Variants in BCAS3 observed in about 807,000 individuals in gnomAD.
The protein encoded by BCAS3 is BCAS4/BCAS3 fusion.
BCAS3 carries 53 observed loss-of-function variants against 116.1 expected under a neutral mutation model. The ratio of observed to expected loss-of-function variants is 0.46; its 90% CI spans 0.37 to 0.57. BCAS3 has a LOEUF of 0.57. Among genes scored for constraint, BCAS3 ranks in the 20% least tolerant of loss-of-function variants. The probability of loss-of-function intolerance (pLI) is 0.00; values close to 1 mark genes in which losing one functional copy is unlikely to be tolerated. For missense variants in BCAS3, 917 were observed against 1,165.4 expected (o/e 0.79, Z 3.10); for synonymous variants, 391 against 408.2 (o/e 0.96, Z 0.51).
chr17:61,108,637 G>A (rs375575210), intron 22 of BCAS3, among the ~76,000 whole-genome samples: 1 of 147,764 alleles, frequency 6.8e-6, no homozygotes, highest in East Asian at 2.0e-4. Context: ...TAGGCTTTTG[G>A]GGAACAGGTG....
intron 21 of BCAS3, among the ~76,000 whole-genome samples, chr17:61,079,062 T>C (rs1319191960): frequency 6.6e-6 from 1 of 152,194 alleles, no homozygotes. Context: ...TTATGCTTTT[T>C]ATTATTAGCT....
At chr17:60,801,315 A>T (rs2047752297) in intron 6 of BCAS3, among the ~76,000 whole-genome samples, 1 of 152,116 alleles carries the variant, frequency 6.6e-6, no homozygotes, top group Non-Finnish European at 1.5e-5. Context: ...TGTCCATGAT[A>T]GTATATACTT....
Position 61,139,682 on chromosome 17 carries a change from A to T in BCAS3, c.2425+55118A>T, listed in dbSNP as rs2076821919. ...GTGCGATTAAAAGTCATCATGCTAC[A>T]TGATGTAGGGAATATAAAAAATGAA... On this transcript the variant is annotated intron_variant, in intron 22 of 23. Transcript: ENST00000407086. This position sits in a 1 kb window ranked among gnomAD's most constrained non-coding sequence, Gnocchi z 4.7. Among the ~76,000 whole-genome samples the T allele has an allele frequency of 6.6e-6, 1 of 152,354 alleles. No individual in the cohort carries two copies. Among genetic ancestry groups the T allele is most frequent in the East Asian group, 1.9e-4 (1 of 5,188 alleles).
At chr17:61,385,535 AC>A (rs747939386) in intron 23 of BCAS3, among the ~76,000 whole-genome samples, 3 of 152,072 alleles carry the variant, frequency 2.0e-5, no homozygotes, top group Admixed American at 6.5e-5. Flanking sequence ...TAATGAGAGG[AC>A]CTCCCCTACT....
At chr17:60,811,763 T>C (rs2144640379) in intron 7 of BCAS3, among the ~76,000 whole-genome samples, 1 of 152,208 alleles carries the variant, frequency 6.6e-6, no homozygotes, top group Middle Eastern at 3.4e-3. Context: ...GAAAGTGAAA[T>C]AGGCCTGGAT....
chr17:60,690,982 G>T (rs1277275296), intron 4 of BCAS3, among the ~76,000 whole-genome samples: 1 of 152,044 alleles, frequency 6.6e-6, no homozygotes, highest in African/African-American at 2.4e-5. Flanking sequence ...GCCCAGGCTG[G>T]AGTGCAGTGG....
At chr17:61,042,415 G>C (rs2067586035) in intron 19 of BCAS3, among the ~76,000 whole-genome samples, 1 of 151,784 alleles carries the variant, frequency 6.6e-6, no homozygotes, top group Non-Finnish European at 1.5e-5. Flanking sequence ...TTTTGTTCCA[G>C]TGATTGACCT....
At chr17:60,762,915 G>A (rs144489030) in intron 6 of BCAS3, among the ~76,000 whole-genome samples, 40,510 of 150,462 alleles carry the variant, frequency 0.27, 11,014 homozygotes, top group African/African-American at 0.71. Flanking sequence ...GGTCCTTCAC[G>A]TCCCTTGTTA....
chr17:60,774,130 A>G (rs973747944), intron 6 of BCAS3, among the ~76,000 whole-genome samples: 2 of 152,036 alleles, frequency 1.3e-5, no homozygotes, highest in Admixed American at 6.6e-5. Context: ...TTCACAACTC[A>G]CTGATGCTCT....
chr17:60,813,056 C>A lies in BCAS3; in HGVS notation c.476+4980C>A, dbSNP rs538351551. On this transcript the variant is annotated intron_variant, in intron 7 of 23. Coordinates refer to ENST00000407086, the MANE Select transcript of BCAS3 (RefSeq NM_017679.5). Reference sequence around the variant, plus strand: ...CCACATCTGGTCCAATCATATTATTCTTATTTTATGCATGCAGAAGCTAAT... The same window carrying A: ...CCACATCTGGTCCAATCATATTATTATTATTTTATGCATGCAGAAGCTAAT... 2.0e-5 allele frequency among the ~76,000 whole-genome samples: 3 copies of A among 152,132 alleles called. No homozygotes were observed. In the East Asian group the frequency reaches 5.8e-4, roughly 29 times the overall value.
At chr17:60,949,948 A>G (rs1027330250) in intron 14 of BCAS3, among the ~76,000 whole-genome samples, 1 of 152,184 alleles carries the variant, frequency 6.6e-6, no homozygotes, top group Non-Finnish European at 1.5e-5. Flanking sequence ...TAATTGGAAA[A>G]TAAAAGTTGA....
rs140950870 is a variant in BCAS3 at position 61,348,821 on chromosome 17, C to T, written c.2426-19506C>T. Among the ~76,000 whole-genome samples, 1,079 of 144,856 alleles carry T rather than the reference C, an allele frequency of 7.4e-3. 18 individuals are homozygous for T. Among genetic ancestry groups the T allele is most frequent in the African/African-American group, 0.026 (1,036 of 39,758 alleles). The stretch of plus-strand genomic sequence containing the variant: ...AGGCTGGAGTGCAGTGGCATGATAC[C>T]GGCTCACTGCAAGCTCCGCCTCCCA... On this transcript the variant is annotated intron_variant, in intron 22 of 23. Coordinates refer to ENST00000407086, the MANE Select transcript of BCAS3 (RefSeq NM_017679.5). The surrounding 1 kb of genome is among the most constrained non-coding windows in gnomAD (Gnocchi z 4.5).
At chr17:60,771,323 T>C (rs1399925527) in intron 6 of BCAS3, among the ~76,000 whole-genome samples, 2 of 152,102 alleles carry the variant, frequency 1.3e-5, no homozygotes, top group Non-Finnish European at 2.9e-5. Context: ...AAGGGTGAAA[T>C]GCAATGGAAA....
At chr17:60,954,112 A>G (rs2060995810) in intron 14 of BCAS3, among the ~76,000 whole-genome samples, 1 of 152,126 alleles carries the variant, frequency 6.6e-6, no homozygotes, top group Admixed American at 6.5e-5. Context: ...CATTTATTGA[A>G]TAGGGAGTCC....
At chr17:60,874,154 C>T (rs965964183) in intron 8 of BCAS3, among the ~76,000 whole-genome samples, 2 of 150,188 alleles carry the variant, frequency 1.3e-5, no homozygotes, top group African/African-American at 2.5e-5. Flanking sequence ...GCAGTCTTGA[C>T]CTCCTGGGCT....
intron 7 of BCAS3, chr17:60,810,778 G>A (rs1387427156): frequency 3.0e-6 from 2 of 657,470 alleles, no homozygotes; most frequent in East Asian, 6.1e-5. Context: ...AGAGATCAAG[G>A]CTCTCAAGGA....
chr17:61,276,279 G>T lies in BCAS3; in HGVS notation c.2426-92048G>T, dbSNP rs918046518. Among the ~76,000 whole-genome samples, 1 of 152,064 alleles carries T rather than the reference G, an allele frequency of 6.6e-6. No individual in the cohort carries two copies. Among genetic ancestry groups the T allele is most frequent in the Non-Finnish European group, 1.5e-5 (1 of 68,010 alleles). On this transcript the variant is annotated intron_variant, in intron 22 of 23. Coordinates refer to ENST00000407086, the MANE Select transcript of BCAS3 (RefSeq NM_017679.5). The surrounding 1 kb of genome is among the most constrained non-coding windows in gnomAD (Gnocchi z 4.2). The stretch of plus-strand genomic sequence containing the variant: ...GAGGCAGGAGAATCGCTTGAACCTG[G>T]GAGGCAGAGGTTGCAGTGAGCCAAG...
At chr17:61,210,221 A>G (rs2081376752) in intron 22 of BCAS3, among the ~76,000 whole-genome samples, 1 of 152,242 alleles carries the variant, frequency 6.6e-6, no homozygotes, top group African/African-American at 2.4e-5. Flanking sequence ...TTGACCTGAT[A>G]TGTGCTCACA....
chr17:61,388,048 A>T lies in BCAS3; in HGVS notation c.2594-3929A>T. 6.6e-6 allele frequency among the ~76,000 whole-genome samples: 1 copy of T among 151,992 alleles called. No individual in the cohort carries two copies. The highest frequency in any genetic ancestry group is 2.4e-5 in the African/African-American group (1 of 41,366). On this transcript the variant is annotated intron_variant, in intron 23 of 23. Coordinates refer to ENST00000407086, the MANE Select transcript of BCAS3 (RefSeq NM_017679.5). The surrounding 1 kb of genome is among the most constrained non-coding windows in gnomAD (Gnocchi z 6.5). Reference sequence around the variant, plus strand: ...GGAGGTGGCTGGGGACACTTCCCTCATTTCCTGCCACAGAGCCCCCAGCAC... The same window carrying T: ...GGAGGTGGCTGGGGACACTTCCCTCTTTTCCTGCCACAGAGCCCCCAGCAC...
Sources: allele counts gnomAD v4.1 joint callset (sites outside exome capture counted in the v4.1 genomes callset), GRCh38; gene constraint gnomAD v4.1.1; non-coding constraint Gnocchi (gnomAD v3.1); transcripts MANE v1.5; gene names NCBI Gene and HGNC (gene_info 2026-07-23, HGNC 2026-07-21).